Variants in NPTX2 observed in about 807,000 individuals in gnomAD.
NPTX2 encodes neuronal pentraxin 2, also known as neuronal pentraxin-2.
In NPTX2, 23 loss-of-function variants were observed where a neutral mutation model predicts 38.1. The ratio of observed to expected loss-of-function variants is 0.60; its 90% CI spans 0.43 to 0.85. The LOEUF (loss-of-function observed/expected upper bound fraction) is 0.85, where lower values mean the gene tolerates loss of function less well. Ranked by LOEUF, NPTX2 falls within the 40% of genes least tolerant of loss-of-function variation. The pLI is 0.00. For synonymous variants in NPTX2, 291 were observed against 287.3 expected, an observed-to-expected ratio of 1.01 and a Z score of -0.13; for missense variants, 553 against 615.3, an observed-to-expected ratio of 0.90 and a Z score of 1.07.
intron 2 of NPTX2, among the ~76,000 whole-genome samples, chr7:98,622,317 C>T (rs552407040): frequency 2.0e-5 from 3 of 152,312 alleles, no homozygotes; most frequent in South Asian, 2.1e-4. Flanking sequence ...AGGCCCCCTC[C>T]TCTGCCCCTC....
chr7:98,625,282 TG>T, intron 3 of NPTX2, 116 bp downstream of exon 3: 1 of 1,318,284 alleles, frequency 7.6e-7, no homozygotes, highest in Non-Finnish European at 1.0e-6. Flanking sequence ...GTCCCAGACA[TG>T]GGACTGCGGG....
At chr7:98,627,023 G>T (rs705318) in intron 3 of NPTX2, 142 bp from the exon 4 acceptor site, 233,914 of 613,750 alleles carry the variant, frequency 0.38, 48,776 homozygotes, top group African/African-American at 0.74. Context: ...CTGCCCCCTT[G>T]CATGTTCTCC....
chr7:98,619,078 T>C (rs1791229727), intron 1 of NPTX2, among the ~76,000 whole-genome samples: 1 of 152,138 alleles, frequency 6.6e-6, no homozygotes, highest in Non-Finnish European at 1.5e-5. Flanking sequence ...CAGAACCACA[T>C]GATGGTAGGG....
intron 2 of NPTX2, among the ~76,000 whole-genome samples, chr7:98,620,770 C>T (rs566221661): frequency 5.7e-4 from 86 of 152,134 alleles, no homozygotes; most frequent in African/African-American, 1.9e-3. Context: ...AGTGGATCCT[C>T]GGGACACCCA....
chr7:98,625,261 C>A, intron 3 of NPTX2, 95 bp downstream of exon 3: 1 of 1,455,784 alleles, frequency 6.9e-7, no homozygotes, highest in Non-Finnish European at 9.2e-7. Context: ...CTCCTCGGGC[C>A]ACACAGCAGT....
intron 3 of NPTX2, 26 bp downstream of exon 3, chr7:98,625,192 T>G (rs1354757374): frequency 6.4e-7 from 1 of 1,556,922 alleles, no homozygotes; most frequent in South Asian, 1.2e-5. Flanking sequence ...ACCGCCACCC[T>G]CCCCAGAACC....
chr7:98,626,722 TACTC>T (rs1461393483), intron 3 of NPTX2, among the ~76,000 whole-genome samples: 2 of 152,018 alleles, frequency 1.3e-5, no homozygotes, highest in East Asian at 1.9e-4. Context: ...CTCACACAGA[TACTC>T]ACACACGTGC....
Position 98,625,019 on chromosome 7 carries a change from G to A in NPTX2, c.741G>A (p.Leu247=). 2 of 1,613,882 alleles carry A rather than the reference G, an allele frequency of 1.2e-6. No homozygotes were observed. The highest frequency in any genetic ancestry group is 1.7e-6 in the Non-Finnish European group (2 of 1,180,034). Residue 247 remains leucine (L), a synonymous_variant, in exon 3 of 5, where the codon CTG becomes CTA. Coordinates refer to ENST00000265634, the MANE Select transcript of NPTX2 (RefSeq NM_002523.3). ...YGKIKKTLPE[L]YAFTICLWLR... ...AGATCAAGAAGACGCTGCCTGAGCT[G>A]TACGCCTTCACCATCTGCCTGTGGC...
intron 3 of NPTX2, among the ~76,000 whole-genome samples, chr7:98,626,113 C>CT (rs1165088019): frequency 1.4e-5 from 2 of 146,000 alleles, no homozygotes; most frequent in Non-Finnish European, 3.0e-5. Flanking sequence ...CACCACTGTA[C>CT]TCCAGCCTGG....
chr7:98,624,812 G>C, intron 2 of NPTX2, 110 bp from the exon 3 acceptor site: 12 of 1,365,058 alleles, frequency 8.8e-6, no homozygotes, highest in Non-Finnish European at 1.2e-5. Flanking sequence ...GTCCATCAAG[G>C]CTGTGTGAGG....
At position 98,617,645 on chromosome 7, in the gene NPTX2, G is replaced by A. The variant is rs1791190992; in HGVS notation, c.184G>A (p.Ala62Thr). 6.7e-7 allele frequency: 1 copy of A among 1,489,410 alleles called. No homozygotes were observed. The highest frequency in any genetic ancestry group is 8.9e-7 in the Non-Finnish European group (1 of 1,128,216). The allele number at this position is 1,489,410 out of a possible 1,614,324, so 92.3% of individuals were successfully genotyped here. A position where few individuals can be genotyped will look rare whatever the true frequency, so the allele number is the denominator to read the frequency against. ...AQSPEEELRA[A>T]VLQLRETVVQ... ...GAGTCCCGAGGAGGAGCTGAGGGCCGCGGTGCTGCAGCTGCGCGAGACCGT... is the reference window on the plus strand; with the variant it reads ...GAGTCCCGAGGAGGAGCTGAGGGCCACGGTGCTGCAGCTGCGCGAGACCGT... Residue 62 changes from alanine to threonine, a missense_variant, in exon 1 of 5, where the codon GCG becomes ACG. Physicochemically the swap from Ala to Thr is moderately conservative, Grantham distance 58. Transcript: ENST00000265634.
intron 3 of NPTX2, among the ~76,000 whole-genome samples, chr7:98,626,743 G>A (rs538971527): frequency 8.6e-5 from 13 of 151,688 alleles, no homozygotes; most frequent in South Asian, 2.1e-4. Context: ...GTGCCGCTGC[G>A]CAGGGAGGAC....
chr7:98,627,829 C>G (rs1253147642), intron 4 of NPTX2, among the ~76,000 whole-genome samples: 1 of 152,008 alleles, frequency 6.6e-6, no homozygotes, highest in Non-Finnish European at 1.5e-5. Flanking sequence ...GGTCTTAACC[C>G]TGATACCCAG....
chr7:98,629,307 CCAT>C lies in NPTX2; in HGVS notation c.*683_*685del, dbSNP rs1344424526. The C allele has an allele frequency of 6.6e-6, 1 of 152,668 alleles. No individual in the cohort carries two copies. The highest frequency in any genetic ancestry group is 1.5e-5 in the Non-Finnish European group (1 of 68,096). The allele number at this position is 152,668 out of a possible 1,614,324, so 9.5% of individuals were successfully genotyped here. On this transcript the variant is annotated 3_prime_UTR_variant, in exon 5 of 5. Transcript: ENST00000265634. ...GGGCTGTGATCTCCGGTCCCTTCCCCCATCATCCTTCCTTAGACTGATGCTTTG... is the reference window on the plus strand; with the variant it reads ...GGGCTGTGATCTCCGGTCCCTTCCCCCATCCTTCCTTAGACTGATGCTTTG...
intron 2 of NPTX2, 38 bp from the exon 3 acceptor site, chr7:98,624,884 C>T (rs766380601): frequency 6.3e-7 from 1 of 1,588,288 alleles, no homozygotes; most frequent in South Asian, 1.1e-5. Flanking sequence ...GTGGGGTGGC[C>T]TAACGCACTC....
intron 2 of NPTX2, 26 bp downstream of exon 2, chr7:98,619,885 C>T: frequency 6.3e-7 from 1 of 1,598,584 alleles, no homozygotes; most frequent in South Asian, 1.1e-5. Flanking sequence ...GTTTCTCTGT[C>T]TGGCAGTGGC....
chr7:98,620,147 G>A (rs956692799), intron 2 of NPTX2: 16 of 458,500 alleles, frequency 3.5e-5, no homozygotes, highest in Non-Finnish European at 6.1e-5. Context: ...CGGATTCTGT[G>A]TATCTTTCTC....
In NPTX2 at chr7:98,617,407, C is replaced by A; in HGVS notation, c.-55C>A. 1 of 501,274 alleles carries A rather than the reference C, an allele frequency of 2.0e-6. No homozygotes were observed. Among genetic ancestry groups the A allele is most frequent in the Non-Finnish European group, 2.9e-6 (1 of 339,976 alleles). The allele number at this position is 501,274 out of a possible 1,614,324, so 31.1% of individuals were successfully genotyped here. On this transcript the variant is annotated 5_prime_UTR_variant, in exon 1 of 5. Coordinates refer to ENST00000265634, the MANE Select transcript of NPTX2 (RefSeq NM_002523.3). ...AGCAGCGAAGGCGCCTCCCGCGGAG[C>A]GCCCCGACGGCGCCCGCTCGCCCAT... is the stretch of plus-strand genomic sequence containing the variant.
rs549527291 is a variant in NPTX2, at chr7:98,626,602, C to T, written c.889-563C>T. 6.1e-4 allele frequency among the ~76,000 whole-genome samples: 93 copies of T among 152,310 alleles called. 1 individual carries two copies. Among genetic ancestry groups the T allele is most frequent in the Middle Eastern group, 3.4e-3 (1 of 294 alleles). On this transcript the variant is annotated intron_variant, in intron 3 of 4. Coordinates refer to ENST00000265634, the MANE Select transcript of NPTX2 (RefSeq NM_002523.3). ...GTTGCTAGGAGACCAGCAGCAACAA[C>T]GCGGTGGTTCATAGGCGAGCCTGCA... is the stretch of plus-strand genomic sequence containing the variant.
Sources: allele counts gnomAD v4.1 joint callset (sites outside exome capture counted in the v4.1 genomes callset), GRCh38; gene constraint gnomAD v4.1.1; transcripts MANE v1.5; gene names NCBI Gene and HGNC (gene_info 2026-07-23, HGNC 2026-07-21).